Variants in DISP3 observed in about 807,000 individuals in gnomAD.
DISP3 encodes dispatched RND transporter family member 3.
A neutral mutation model predicts 135.3 loss-of-function variants in DISP3; 101 were observed. The observed-to-expected ratio is 0.75, with a 90% confidence interval of 0.64 to 0.88. DISP3 has a LOEUF of 0.88. DISP3 is among the 40% of genes least tolerant of loss of function. DISP3 has a pLI of 0.00. For missense variants in DISP3, 1,713 were observed against 1,878.6 expected (o/e 0.91, Z 1.63); for synonymous variants, 856 against 817.0 (o/e 1.05, Z -0.81).
chr1:11,498,691 C>T (rs955773608), intron 1 of DISP3, among the ~76,000 whole-genome samples: 4 of 152,162 alleles, frequency 2.6e-5, no homozygotes, highest in Non-Finnish European at 5.9e-5. Context: ...TTAGGGGTTC[C>T]AGCCTTTGGA....
At chr1:11,525,895 G>A (rs755157608) in intron 12 of DISP3, among the ~76,000 whole-genome samples, 36 of 152,030 alleles carry the variant, frequency 2.4e-4, no homozygotes, top group Non-Finnish European at 3.2e-4. Flanking sequence ...CTGCAGCCTC[G>A]ACCTCCTGGG....
intron 1 of DISP3, among the ~76,000 whole-genome samples, chr1:11,498,203 G>A (rs773660207): frequency 3.3e-5 from 5 of 152,208 alleles, no homozygotes; most frequent in East Asian, 1.9e-4. Context: ...AATAACTATC[G>A]TGCATTCCGC....
Position 11,502,088 on chromosome 1 carries a change from G to C in DISP3, c.1096G>C (p.Gly366Arg), listed in dbSNP as rs964533455. The part of the protein sequence containing the change: ...GMGQDLADIR[G>R]SLELAMTHPE... Reference sequence around the variant, plus strand: ...GGGCCAGGACCTGGCGGACATCCGGGGTGAGCCGCCGGGATGCTGGGAGGG... The same window carrying C: ...GGGCCAGGACCTGGCGGACATCCGGCGTGAGCCGCCGGGATGCTGGGAGGG... The change falls in exon 2 of 21, where the codon GGC becomes CGC. Residue 366 changes from glycine (G) to arginine (R), a missense_variant and splice_region_variant. By Grantham distance (125) the Gly-to-Arg change is moderately radical. Coordinates refer to ENST00000294484, the MANE Select transcript of DISP3 (RefSeq NM_020780.2). 1.3e-6 allele frequency: 2 copies of C among 1,546,882 alleles called. No homozygotes were observed. Among genetic ancestry groups the C allele is most frequent in the Non-Finnish European group, 8.7e-7 (1 of 1,147,198 alleles).
At chr1:11,526,925 A>T in intron 13 of DISP3, 90 bp downstream of exon 13, 2 of 1,370,518 alleles carry the variant, frequency 1.5e-6, no homozygotes, top group Non-Finnish European at 1.9e-6. Flanking sequence ...CACATGAGGG[A>T]TGCCAGCAGG....
At chr1:11,509,170 A>C (rs1641787740) in intron 3 of DISP3, among the ~76,000 whole-genome samples, 1 of 151,998 alleles carries the variant, frequency 6.6e-6, no homozygotes, top group Non-Finnish European at 1.5e-5. Flanking sequence ...GTATAACTTA[A>C]AAGTGTGTTA....
chr1:11,503,509 C>T (rs1043476836), intron 3 of DISP3, among the ~76,000 whole-genome samples: 12 of 152,050 alleles, frequency 7.9e-5, no homozygotes, highest in African/African-American at 1.9e-4. Flanking sequence ...TCCTGGAGTC[C>T]GAAGGCCAGA....
chr1:11,533,449 G>A (rs1360232275), intron 17 of DISP3, among the ~76,000 whole-genome samples: 2 of 151,660 alleles, frequency 1.3e-5, no homozygotes, highest in African/African-American at 2.4e-5. Context: ...TAGAGACAGG[G>A]TTTCACCATG....
intron 1 of DISP3, among the ~76,000 whole-genome samples, chr1:11,495,867 C>T (rs990881723): frequency 6.6e-6 from 1 of 152,206 alleles, no homozygotes; most frequent in Non-Finnish European, 1.5e-5. Context: ...GCAGAGCCCT[C>T]CTCCCCTGCC....
intron 3 of DISP3, among the ~76,000 whole-genome samples, chr1:11,504,037 G>T (rs1641630970): frequency 6.6e-6 from 1 of 152,138 alleles, no homozygotes; most frequent in South Asian, 2.1e-4. Flanking sequence ...CACCCTGATA[G>T]GCCAGTCCCA....
intron 1 of DISP3, among the ~76,000 whole-genome samples, chr1:11,485,168 C>T (rs1472368657): frequency 6.6e-6 from 1 of 152,102 alleles, no homozygotes; most frequent in Non-Finnish European, 1.5e-5. Flanking sequence ...GTGTCTCAGC[C>T]AGGCCCCCCA....
intron 1 of DISP3, chr1:11,481,933 T>A (rs1038914287): frequency 4.6e-5 from 7 of 152,196 alleles, no homozygotes; most frequent in African/African-American, 1.7e-4. Flanking sequence ...TGAAGTGCAA[T>A]CTTCATTGGG....
chr1:11,507,509 T>C (rs1046847747), intron 3 of DISP3, among the ~76,000 whole-genome samples: 2 of 152,234 alleles, frequency 1.3e-5, no homozygotes, highest in African/African-American at 4.8e-5. Flanking sequence ...CCTGGCCATG[T>C]GTTCTGCTGA....
rs780133983 is a variant in DISP3 at position 11,517,505 on chromosome 1, G to A, written c.1792G>A (p.Val598Met). The stretch of plus-strand genomic sequence containing the variant: ...CTTTGGCCTGTTCATGTCTCTCATC[G>A]TGTCCTGTTGCTGGCTGGCCGTGCT... ...HDFGLFMSLI[V>M]SCCWLAVLVT... The change falls in exon 7 of 21, where the codon GTG becomes ATG. Residue 598 changes from valine to methionine, a missense_variant. By Grantham distance (21) the Val-to-Met change is conservative. Around this residue, in one of 2 missense-constraint regions of DISP3, gnomAD observed 1,142 missense variants for 1,384.6 expected, o/e 0.82. Transcript: ENST00000294484. The A allele has an allele frequency of 3.5e-5, 56 of 1,613,986 alleles. 1 individual carries two copies. Among genetic ancestry groups the A allele is most frequent in the East Asian group, 8.9e-5 (4 of 44,886 alleles).
rs777748536 is a variant in DISP3 at position 11,524,028 on chromosome 1, G to T, written c.2449G>T (p.Ala817Ser). 1 of 1,613,130 alleles carries T rather than the reference G, an allele frequency of 6.2e-7. No homozygotes were observed. Among genetic ancestry groups the T allele is most frequent in the Non-Finnish European group, 8.5e-7 (1 of 1,179,606 alleles). ...KKRRGSGVPW[A>S]SRPEATLQDF... Reference sequence around the variant, plus strand: ...GAGGCGAGGCTCAGGGGTCCCCTGGGCTAGCCGGCCTGAGGCCACCCTGCA... The same window carrying T: ...GAGGCGAGGCTCAGGGGTCCCCTGGTCTAGCCGGCCTGAGGCCACCCTGCA... The change falls in exon 11 of 21, where the codon GCT becomes TCT. Residue 817 changes from alanine to serine, a missense_variant. Ala to Ser is a moderately conservative substitution (Grantham distance 99, BLOSUM62 1). Coordinates refer to ENST00000294484, the MANE Select transcript of DISP3 (RefSeq NM_020780.2).
At chr1:11,497,741 G>A (rs752107157) in intron 1 of DISP3, among the ~76,000 whole-genome samples, 1 of 152,172 alleles carries the variant, frequency 6.6e-6, no homozygotes. Flanking sequence ...CCACGTATCA[G>A]TGAGAACATA....
chr1:11,513,212 A>G (rs1298067771), intron 3 of DISP3, among the ~76,000 whole-genome samples: 1 of 152,192 alleles, frequency 6.6e-6, no homozygotes, highest in African/African-American at 2.4e-5. Flanking sequence ...TGAGCCCAGG[A>G]GTTAGAGGCC....
chr1:11,519,957 C>T lies in DISP3; in HGVS notation c.2200+77C>T, dbSNP rs562588996. The T allele has an allele frequency of 2.8e-6, 4 of 1,438,878 alleles. No individual in the cohort carries two copies. The highest frequency in any genetic ancestry group is 2.8e-6 in the Non-Finnish European group (3 of 1,060,292). 89.1% of individuals were successfully genotyped at this position (1,438,878 alleles called of 1,614,324 possible). On this transcript the variant is annotated intron_variant, in intron 9 of 20. Transcript: ENST00000294484. This position sits in a 1 kb window ranked among gnomAD's most constrained non-coding sequence, Gnocchi z 4.3. ...CACACAGGAACTGGGAGCCCACCCC[C>T]TCTCGCAGATGCCCCAGGGTCAGAG...
intron 19 of DISP3, 73 bp downstream of exon 19, chr1:11,535,197 G>C (rs1270084411): frequency 7.9e-6 from 11 of 1,392,528 alleles, no homozygotes; most frequent in Non-Finnish European, 1.1e-5. Context: ...GTGGCCCCAG[G>C]TAGCCTCCAG....
chr1:11,531,588 C>T lies in DISP3; in HGVS notation c.3253C>T (p.Gln1085Ter). 6.2e-7 allele frequency: 1 copy of T among 1,613,596 alleles called. No individual in the cohort carries two copies. Among genetic ancestry groups the T allele is most frequent in the Non-Finnish European group, 8.5e-7 (1 of 1,179,980 alleles). Residue 1085 changes from glutamine (Q) to a stop codon, truncating the protein, a stop_gained, in exon 17 of 21, where the codon CAG becomes TAG. Transcript: ENST00000294484. LOFTEE classifies it high-confidence loss of function. This position sits in a 1 kb window ranked among gnomAD's most constrained non-coding sequence, Gnocchi z 5.2. ...PSGYSISSFL[Q>*]MLHPECKELP... The stretch of plus-strand genomic sequence containing the variant: ...AGGCTACAGCATCTCCTCCTTCCTG[C>T]AGATGTTGCACCCTGAGTGCAAGGA...
Sources: allele counts gnomAD v4.1 joint callset (sites outside exome capture counted in the v4.1 genomes callset), GRCh38; gene constraint gnomAD v4.1.1; regional missense constraint gnomAD v4.1.1; non-coding constraint Gnocchi (gnomAD v3.1); transcripts MANE v1.5; gene names NCBI Gene and HGNC (gene_info 2026-07-23, HGNC 2026-07-21).